The following SYTL2 variants were observed in gnomAD, a reference collection of about 807,000 sequenced individuals.
SYTL2 encodes the protein synaptotagmin like 2.
SYTL2 carries 165 observed loss-of-function variants against 198.7 expected under a neutral mutation model. The observed-to-expected ratio is 0.83, with a 90% CI of 0.73 to 0.94. SYTL2 has a LOEUF of 0.94. Ranked by LOEUF, SYTL2 falls within the 40% of genes least tolerant of loss-of-function variation. SYTL2 has a pLI of 0.00. For missense variants in SYTL2, 2,835 were observed against 2,582.8 expected (o/e 1.10, Z -2.12); for synonymous variants, 966 against 917.7 (o/e 1.05, Z -0.95).
intron 15 of SYTL2, 113 bp downstream of exon 15, chr11:85,707,316 C>T: frequency 1.4e-6 from 1 of 692,050 alleles, no homozygotes; most frequent in Non-Finnish European, 2.5e-6. Context: ...ATTTGTATTC[C>T]CTTCCTTCTC....
intron 12 of SYTL2, among the ~76,000 whole-genome samples, chr11:85,713,925 G>T (rs1366649011): frequency 6.6e-6 from 1 of 152,168 alleles, no homozygotes; most frequent in Admixed American, 6.5e-5. Context: ...AATGTGTGGG[G>T]ATAATGATGG....
chr11:85,717,540 A>C lies in SYTL2; in HGVS notation c.5483-10T>G. 1 of 1,609,996 alleles carries C rather than the reference A, an allele frequency of 6.2e-7. No individual in the cohort carries two copies. Among genetic ancestry groups the C allele is most frequent in the South Asian group, 1.1e-5 (1 of 90,978 alleles). Reference sequence around the variant, plus strand: ...TGATCTGGTTTCTCATCTACTCAGGAGGGCAACATTGAGAATAAATACCAT... The same window carrying C: ...TGATCTGGTTTCTCATCTACTCAGGCGGGCAACATTGAGAATAAATACCAT... On this transcript the variant is annotated splice_polypyrimidine_tract_variant and intron_variant, in intron 10 of 19. Coordinates refer to ENST00000359152, the MANE Select transcript of SYTL2 (RefSeq NM_206927.4).
At chr11:85,851,285 A>G in the SYTL2 span, among the ~76,000 whole-genome samples, 1 of 152,252 alleles carries the variant, frequency 6.6e-6, no homozygotes, top group Non-Finnish European at 1.5e-5. Context: ...AGTTGTAGCA[A>G]AAATTTTCTA....
intron 1 of SYTL2, among the ~76,000 whole-genome samples, chr11:85,773,220 A>G (rs1566010050): frequency 1.3e-5 from 2 of 152,136 alleles, no homozygotes; most frequent in African/African-American, 2.4e-5. Flanking sequence ...CCTGGCAGGT[A>G]CAGTCAATGG....
intron 1 of SYTL2, among the ~76,000 whole-genome samples, chr11:85,775,476 C>A (rs562821287): frequency 3.9e-5 from 6 of 151,942 alleles, no homozygotes; most frequent in Non-Finnish European, 8.8e-5. Context: ...CTTCATAATC[C>A]CCCATTTATT....
chr11:85,771,809 CTACCCTCTTT>C, intron 1 of SYTL2, among the ~76,000 whole-genome samples: 1 of 152,276 alleles, frequency 6.6e-6, no homozygotes, highest in African/African-American at 2.4e-5. Flanking sequence ...TAACCACTGC[CTACCCTCTTT>C]GCTGAATCAC....
At chr11:85,696,686 G>A (rs527925875) in intron 18 of SYTL2, among the ~76,000 whole-genome samples, 1 of 152,138 alleles carries the variant, frequency 6.6e-6, no homozygotes, top group Non-Finnish European at 1.5e-5. Context: ...TATAAAATGG[G>A]AATGGTGATG....
chr11:85,822,816 T>C, the SYTL2 span, among the ~76,000 whole-genome samples: 1 of 151,948 alleles, frequency 6.6e-6, no homozygotes, highest in African/African-American at 2.4e-5. Context: ...TGACAGGGAG[T>C]AGGACCGTAA....
chr11:85,807,338 G>A (rs1411099234), intron 1 of SYTL2, among the ~76,000 whole-genome samples: 1 of 152,196 alleles, frequency 6.6e-6, no homozygotes, highest in Non-Finnish European at 1.5e-5. Flanking sequence ...AATACCAAGA[G>A]TTGGATTCCA....
Position 85,725,678 on chromosome 11 carries a change from G to A in SYTL2, c.3680C>T (p.Pro1227Leu), listed in dbSNP as rs1226114323. Residue 1227 changes from proline to leucine, a missense_variant, in exon 8 of 20, where the codon CCC becomes CTC. Physicochemically the swap from Pro to Leu is moderately conservative, Grantham distance 98. Coordinates refer to ENST00000359152, the MANE Select transcript of SYTL2 (RefSeq NM_206927.4). The stretch of plus-strand genomic sequence containing the variant: ...AACAGGCGCCAACTTGGCTTGCAAG[G>A]GAGAGGGTGAAGTTCCAGTTGCTTC... ...LKEATGTSPS[P>L]LQAKLAPVIT... 2 of 1,613,918 alleles carry A rather than the reference G, an allele frequency of 1.2e-6. No homozygotes were observed. The highest frequency in any genetic ancestry group is 1.7e-6 in the Non-Finnish European group (2 of 1,180,008).
At chr11:85,741,262 CAAACAAATGAAG>C (rs2153509426) in intron 4 of SYTL2, among the ~76,000 whole-genome samples, 1 of 152,048 alleles carries the variant, frequency 6.6e-6, no homozygotes, top group East Asian at 1.9e-4. Flanking sequence ...AACAAATGAG[CAAACAAATGAAG>C]AAACGGCTCA....
intron 1 of SYTL2, among the ~76,000 whole-genome samples, chr11:85,782,621 C>T (rs1414313495): frequency 6.6e-6 from 1 of 152,188 alleles, no homozygotes; most frequent in African/African-American, 2.4e-5. Flanking sequence ...CAATTCCAAA[C>T]CATATCTTTG....
intron 1 of SYTL2, among the ~76,000 whole-genome samples, chr11:85,805,951 T>C (rs78270224): frequency 0.021 from 3,226 of 152,350 alleles, 63 homozygotes; most frequent in Admixed American, 0.039. Flanking sequence ...ATTTTGGCCT[T>C]CTTTTATCTC....
At chr11:85,818,722 G>A in the SYTL2 span, among the ~76,000 whole-genome samples, 2 of 146,554 alleles carry the variant, frequency 1.4e-5, no homozygotes, top group African/African-American at 2.6e-5. Context: ...AGACGGTCTC[G>A]CTCTATCACC....
chr11:85,728,019 T>G, intron 7 of SYTL2, 52 bp from the exon 8 acceptor site: 4 of 1,447,606 alleles, frequency 2.8e-6, no homozygotes, highest in Non-Finnish European at 3.7e-6. Context: ...CTTAAAGAAC[T>G]GTTAATCATT....
At chr11:85,748,796 A>G (rs1017024293) in intron 2 of SYTL2, among the ~76,000 whole-genome samples, 4 of 152,212 alleles carry the variant, frequency 2.6e-5, no homozygotes, top group South Asian at 4.1e-4. Flanking sequence ...AAGCATTAGT[A>G]ATAGTAACCT....
At chr11:85,697,124 T>A (rs2083516972) in intron 18 of SYTL2, among the ~76,000 whole-genome samples, 1 of 152,218 alleles carries the variant, frequency 6.6e-6, no homozygotes, top group African/African-American at 2.4e-5. Context: ...AAAAAAATCT[T>A]ACCAGCTGAC....
At chr11:85,695,394 A>G in intron 19 of SYTL2, 54 bp from the exon 20 acceptor site, 2 of 1,431,888 alleles carry the variant, frequency 1.4e-6, no homozygotes, top group Non-Finnish European at 1.9e-6. Flanking sequence ...GGGGTAGGGG[A>G]AAGAGGGAAA....
At chr11:85,853,305 G>A in the SYTL2 span, 1 of 443,254 alleles carries the variant, frequency 2.3e-6, no homozygotes, top group Non-Finnish European at 4.5e-6. Flanking sequence ...ACTCCATTTT[G>A]TTCTGTACTA....
Sources: allele counts gnomAD v4.1 joint callset (sites outside exome capture counted in the v4.1 genomes callset), GRCh38; gene constraint gnomAD v4.1.1; transcripts MANE v1.5; gene names NCBI Gene and HGNC (gene_info 2026-07-23, HGNC 2026-07-21).